The following NOS1 variants were observed in gnomAD, a reference collection of about 807,000 sequenced individuals.
The protein encoded by NOS1 is nitric oxide synthase 1.
In NOS1, 51 loss-of-function variants were observed where a neutral mutation model predicts 164.5. That is an observed-to-expected ratio of 0.31 (90% confidence interval 0.25 to 0.39). NOS1 has a LOEUF of 0.39. Among genes scored for constraint, NOS1 ranks in the 10% least tolerant of loss-of-function variants. The pLI, the probability that NOS1 is intolerant of heterozygous loss-of-function variation, is 1.00. For missense variants in NOS1, 1,362 were observed against 1,885.6 expected (o/e 0.72, Z 5.14); for synonymous variants, 719 against 745.8 (o/e 0.96, Z 0.59).
chr12:117,320,010 T>C (rs778768454), intron 2 of NOS1, among the ~76,000 whole-genome samples: 1 of 151,934 alleles, frequency 6.6e-6, no homozygotes, highest in Non-Finnish European at 1.5e-5. Context: ...AGAGGTAAAG[T>C]GGAAGGAGGG....
chr12:117,247,106 T>C lies in NOS1; in HGVS notation c.2823+242A>G, dbSNP rs557651359. On this transcript the variant is annotated intron_variant, in intron 18 of 28. Transcript: ENST00000317775. ...CCAGCCCTGACATTCCAAGACTCTA[T>C]ATAATTTTTTTTATGGACTAACTCC... Among the ~76,000 whole-genome samples, 9 of 152,276 alleles carry C rather than the reference T, an allele frequency of 5.9e-5. No individual in the cohort carries two copies. The South Asian group carries it at 1.0e-3, about 18-fold the overall frequency.
chr12:117,316,078 TA>T (rs1217877821), intron 2 of NOS1, among the ~76,000 whole-genome samples: 1 of 152,220 alleles, frequency 6.6e-6, no homozygotes, highest in African/African-American at 2.4e-5. Flanking sequence ...ATGGAGGAAC[TA>T]AATTTTAAAT....
intron 7 of NOS1, among the ~76,000 whole-genome samples, chr12:117,283,819 G>GTACTTCA (rs1873881812): frequency 8.2e-6 from 1 of 122,340 alleles, no homozygotes; most frequent in South Asian, 2.8e-4. Context: ...TTGTGCCACT[G>GTACTTCA]TACTTCAACC....
At chr12:117,244,437 C>T (rs949026149) in intron 18 of NOS1, among the ~76,000 whole-genome samples, 1 of 151,922 alleles carries the variant, frequency 6.6e-6, no homozygotes, top group African/African-American at 2.4e-5. Flanking sequence ...CAGGGTTTCG[C>T]CATGTTGGCC....
intron 17 of NOS1, among the ~76,000 whole-genome samples, chr12:117,251,813 C>A (rs1871122654): frequency 6.6e-6 from 1 of 151,726 alleles, no homozygotes; most frequent in South Asian, 2.1e-4. Context: ...CTCACTGTAA[C>A]CTCTGCCTCC....
chr12:117,210,928 TA>T lies in NOS1; in HGVS notation c.*4380del. On this transcript the variant is annotated 3_prime_UTR_variant, in exon 29 of 29. Coordinates refer to ENST00000317775, the MANE Select transcript of NOS1 (RefSeq NM_000620.5). ...GCTCTTCAGAGACCTCTCTCTCAGC[TA>T]GGGGCAAGATGTTTTATTTTATTTT... 1.0e-6 allele frequency: 1 copy of T among 983,374 alleles called. No individual in the cohort carries two copies. The highest frequency in any genetic ancestry group is 1.2e-6 in the Non-Finnish European group (1 of 828,214). 60.9% of individuals were successfully genotyped at this position (983,374 alleles called of 1,614,324 possible). A position where few individuals can be genotyped will look rare whatever the true frequency, so the allele number is the denominator to read the frequency against.
At chr12:117,265,615 G>T in intron 11 of NOS1, 105 bp from the exon 12 acceptor site, 3 of 778,734 alleles carry the variant, frequency 3.9e-6, no homozygotes, top group Non-Finnish European at 5.7e-6. Flanking sequence ...TCCCTGAGAT[G>T]GTTTAGAGCA....
At chr12:117,297,399 G>GC (rs943339421) in intron 3 of NOS1, among the ~76,000 whole-genome samples, 40 of 152,188 alleles carry the variant, frequency 2.6e-4, no homozygotes, top group Admixed American at 1.1e-3. Flanking sequence ...AGGATGGTGG[G>GC]CTTTTTTTTG....
chr12:117,242,841 AG>A lies in NOS1; in HGVS notation c.2963-137del, dbSNP rs1228849024. On this transcript the variant is annotated intron_variant, in intron 19 of 28. Coordinates refer to ENST00000317775, the MANE Select transcript of NOS1 (RefSeq NM_000620.5). ...TGAGGTGGGAGGATCACTTGAGGCC[AG>A]GGGTTCAAGACCAGCCTGGGAAACA... is the stretch of plus-strand genomic sequence containing the variant. The A allele has an allele frequency of 8.3e-6, 6 of 721,872 alleles. No individual in the cohort carries two copies. In the East Asian group the frequency reaches 1.0e-4, roughly 13 times the overall value. The allele number at this position is 721,872 out of a possible 1,614,324, so 44.7% of individuals were successfully genotyped here.
intron 10 of NOS1, among the ~76,000 whole-genome samples, chr12:117,268,738 C>T (rs183833413): frequency 0.024 from 3,650 of 151,602 alleles, 141 homozygotes; most frequent in African/African-American, 0.082. Flanking sequence ...TACAGGCGGC[C>T]GCCACCACGC....
chr12:117,326,531 G>A (rs1424969839), intron 2 of NOS1, among the ~76,000 whole-genome samples: 1 of 152,232 alleles, frequency 6.6e-6, no homozygotes, highest in Admixed American at 6.5e-5. Context: ...GTTTCACAGA[G>A]CCCTGTACTT....
At chr12:117,329,397 C>A (rs1307484521) in intron 2 of NOS1, among the ~76,000 whole-genome samples, 1 of 152,042 alleles carries the variant, frequency 6.6e-6, no homozygotes, top group African/African-American at 2.4e-5. Flanking sequence ...CTTTGGGGTT[C>A]TTGGGGAAAG....
rs77074921 is a variant in NOS1 at position 117,227,515 on chromosome 12, G to A, written c.3532C>T (p.Arg1178Cys). The A allele has an allele frequency of 1.9e-6, 3 of 1,612,988 alleles. No homozygotes were observed. Among genetic ancestry groups the A allele is most frequent in the African/African-American group, 1.3e-5 (1 of 74,878 alleles). ...GGGGAGGAGCTGATGGAATAGTAGC[G>A]GGGCTGCAGCAGGGACAGCTGGGTC... ...LLTQLSLLQP[R>C]YYSISSSPDM... Residue 1178 changes from arginine to cysteine, a missense_variant, in exon 23 of 29, where the codon CGC becomes TGC. Physicochemically the swap from Arg to Cys is radical, Grantham distance 180. Coordinates refer to ENST00000317775, the MANE Select transcript of NOS1 (RefSeq NM_000620.5).
Position 117,356,893 on chromosome 12 carries a change from C to G in NOS1, c.-421+4619G>C, listed in dbSNP as rs73411417. Among the ~76,000 whole-genome samples, 1,367 of 152,314 alleles carry G rather than the reference C, an allele frequency of 9.0e-3. 19 individuals are homozygous for G. The highest frequency in any genetic ancestry group is 0.031 in the African/African-American group (1,289 of 41,572). ...AGCAACATAAACACACTTGCAAAGG[C>G]TGAGTGGAAGGCCGATGGGCTGTGG... On this transcript the variant is annotated intron_variant, in intron 1 of 28. Transcript: ENST00000317775. This position sits in a 1 kb window ranked among gnomAD's most constrained non-coding sequence, Gnocchi z 4.2.
chr12:117,323,558 T>A (rs1012062687), intron 2 of NOS1, among the ~76,000 whole-genome samples: 3 of 152,132 alleles, frequency 2.0e-5, no homozygotes. Context: ...AACAAAGTGC[T>A]GTGCAGAGAA....
intron 3 of NOS1, among the ~76,000 whole-genome samples, 156 bp from the exon 4 acceptor site, chr12:117,290,582 C>T (rs1385142403): frequency 6.6e-6 from 1 of 151,992 alleles, no homozygotes; most frequent in East Asian, 1.9e-4. Flanking sequence ...TCCTGCTTGA[C>T]ATGTACAAGG....
At chr12:117,275,442 CA>C (rs933536589) in intron 9 of NOS1, among the ~76,000 whole-genome samples, 3 of 151,868 alleles carry the variant, frequency 2.0e-5, no homozygotes, top group Non-Finnish European at 4.4e-5. Context: ...GTAGAAGCTA[CA>C]AAAAAAGTTG....
At chr12:117,338,788 A>G (rs529242379) in intron 1 of NOS1, among the ~76,000 whole-genome samples, 1 of 152,282 alleles carries the variant, frequency 6.6e-6, no homozygotes, top group South Asian at 2.1e-4. Context: ...ACGGATATCA[A>G]TGGTTTTACA....
At chr12:117,245,984 T>G (rs541422397) in intron 18 of NOS1, 1 of 153,640 alleles carries the variant, frequency 6.5e-6, no homozygotes, top group African/African-American at 2.4e-5. Context: ...TCTCTCAAAT[T>G]AACTTCATTT....
Sources: gnomAD v4.1 joint callset for allele counts (sites outside exome capture counted in the v4.1 genomes callset) on GRCh38, gnomAD v4.1.1 for gene constraint, Gnocchi (gnomAD v3.1) non-coding constraint, MANE v1.5 for transcripts, NCBI Gene and HGNC (gene_info 2026-07-23, HGNC 2026-07-21) for gene names.